Variants in BCL6 observed in about 807,000 individuals in gnomAD.
BCL6 encodes the protein BCL6 transcription repressor.
BCL6 carries 7 observed loss-of-function variants against 59.5 expected under a neutral mutation model. That is an observed-to-expected ratio of 0.12 (90% CI 0.07 to 0.22). The LOEUF is 0.22. Ranked by LOEUF, BCL6 falls within the 10% of genes least tolerant of loss-of-function variation. The pLI is 1.00. For synonymous variants in BCL6, 339 were observed against 349.7 expected (o/e 0.97, Z 0.34); for missense variants, 685 against 939.4 (o/e 0.73, Z 3.54).
intron 1 of BCL6, among the ~76,000 whole-genome samples, chr3:187,738,929 T>C (rs1441249292): frequency 6.6e-6 from 1 of 152,186 alleles, no homozygotes; most frequent in Non-Finnish European, 1.5e-5. Flanking sequence ...AGTGCATTTA[T>C]TGGAAATTAG....
chr3:187,725,094 G>C lies in BCL6; in HGVS notation c.1840-16C>G, dbSNP rs1241709963. ...GGTGGGCCACCTGAACGAAGAAGAA[G>C]GCATGAGAGGTCTTCTGGGGTGGGC... is the stretch of plus-strand genomic sequence containing the variant. On this transcript the variant is annotated splice_polypyrimidine_tract_variant and intron_variant, in intron 8 of 9. Coordinates refer to ENST00000406870, the MANE Select transcript of BCL6 (RefSeq NM_001706.5). The surrounding 1 kb of genome is among the most constrained non-coding windows in gnomAD (Gnocchi z 4.7). The C allele has an allele frequency of 1.2e-6, 2 of 1,613,496 alleles. No individual in the cohort carries two copies. Among genetic ancestry groups the C allele is most frequent in the South Asian group, 2.2e-5 (2 of 91,052 alleles).
intron 6 of BCL6, 56 bp from the exon 7 acceptor site, chr3:187,726,954 T>C: frequency 6.3e-7 from 1 of 1,583,954 alleles, no homozygotes; most frequent in Non-Finnish European, 8.6e-7. Flanking sequence ...GAGGTAGGGC[T>C]CTAAGGCCGC....
At chr3:187,730,099 A>G (rs1718967319) in intron 4 of BCL6, 78 bp from the exon 5 acceptor site, 2 of 1,494,178 alleles carry the variant, frequency 1.3e-6, no homozygotes, top group South Asian at 2.8e-5. Flanking sequence ...TGACACTTAT[A>G]TAACCACATC....
At chr3:187,744,025 C>A (rs1311238841) in intron 1 of BCL6, among the ~76,000 whole-genome samples, 3 of 152,138 alleles carry the variant, frequency 2.0e-5, no homozygotes, top group Non-Finnish European at 4.4e-5. Context: ...GGGCTCTGTT[C>A]GTCTTTCTCC....
At chr3:187,739,604 G>C in intron 1 of BCL6, among the ~76,000 whole-genome samples, 1 of 152,194 alleles carries the variant, frequency 6.6e-6, no homozygotes, top group East Asian at 1.9e-4. Context: ...CAAGCTTCTA[G>C]GAAATGCAAT....
intron 2 of BCL6, among the ~76,000 whole-genome samples, chr3:187,734,016 C>T (rs1044306822): frequency 6.6e-6 from 1 of 152,140 alleles, no homozygotes; most frequent in Admixed American, 6.5e-5. Context: ...GAGTATGTTG[C>T]AATGGAGAGA....
chr3:187,722,331 C>CCCCCAA lies in BCL6; in HGVS notation c.*126_*127insTTGGGG. 1.2e-6 allele frequency: 1 copy of CCCCCAA among 864,900 alleles called. No homozygotes were observed. Among genetic ancestry groups the CCCCCAA allele is most frequent in the Non-Finnish European group, 1.5e-6 (1 of 658,090 alleles). The allele number at this position is 864,900 out of a possible 1,614,324, so 53.6% of individuals were successfully genotyped here. A position where few individuals can be genotyped will look rare whatever the true frequency, so the allele number is the denominator to read the frequency against. On this transcript the variant is annotated 3_prime_UTR_variant, in exon 10 of 10. Coordinates refer to ENST00000406870, the MANE Select transcript of BCL6 (RefSeq NM_001706.5). ...CCCGACCCCCACCACCCCCAACCCCCAGCTATGATTTGCACTAGTGGATGA... is the reference window on the plus strand; with the variant it reads ...CCCGACCCCCACCACCCCCAACCCCCCCCCAAAGCTATGATTTGCACTAGTGGATGA...
At chr3:187,740,343 A>G (rs2108478857) in intron 1 of BCL6, among the ~76,000 whole-genome samples, 1 of 151,160 alleles carries the variant, frequency 6.6e-6, no homozygotes. Context: ...CCAGGCCTTA[A>G]CCCCCCTCTT....
rs1718412468 is a variant in BCL6 at position 187,721,529 on chromosome 3, GT to G, written c.*928del. 2.1e-5 allele frequency: 5 copies of G among 233,356 alleles called. No homozygotes were observed. The highest frequency in any genetic ancestry group is 4.2e-5 in the Non-Finnish European group (5 of 117,806). 14.5% of individuals were successfully genotyped at this position (233,356 alleles called of 1,614,324 possible). On this transcript the variant is annotated 3_prime_UTR_variant, in exon 10 of 10. Coordinates refer to ENST00000406870, the MANE Select transcript of BCL6 (RefSeq NM_001706.5). The surrounding 1 kb of genome is among the most constrained non-coding windows in gnomAD (Gnocchi z 4.2). ...GATGAGACAAACATTCCCAAAGAGA[GT>G]TTAGTTAGTAACAACTTCAAGTCCC... is the stretch of plus-strand genomic sequence containing the variant.
chr3:187,728,314 G>T, intron 6 of BCL6, 46 bp downstream of exon 6: 1 of 1,504,108 alleles, frequency 6.6e-7, no homozygotes, highest in East Asian at 2.5e-5. Flanking sequence ...TGGAGCAGAG[G>T]GGCCTTCCTT....
chr3:187,737,147 C>T (rs1318828414), intron 1 of BCL6: 3 of 152,230 alleles, frequency 2.0e-5, no homozygotes, highest in Admixed American at 6.5e-5. Context: ...TCCCCGCACC[C>T]ACGCTGGGTC....
intron 4 of BCL6, among the ~76,000 whole-genome samples, chr3:187,730,743 C>T (rs776188729): frequency 6.6e-6 from 1 of 152,198 alleles, no homozygotes; most frequent in Non-Finnish European, 1.5e-5. Flanking sequence ...CCACCGTCAT[C>T]ACTCACAGGA....
At chr3:187,726,670 C>A in intron 7 of BCL6, 61 bp downstream of exon 7, 1 of 1,579,788 alleles carries the variant, frequency 6.3e-7, no homozygotes. Flanking sequence ...TCTCTAGGAT[C>A]CTCTCCCTGT....
At chr3:187,736,755 C>G (rs187323948) in intron 1 of BCL6, 1 of 151,626 alleles carries the variant, frequency 6.6e-6, no homozygotes, top group East Asian at 1.9e-4. Context: ...CAGCCCCCCC[C>G]AACTCCTGAG....
chr3:187,744,966 C>A (rs1158137869), intron 1 of BCL6, among the ~76,000 whole-genome samples: 2 of 152,160 alleles, frequency 1.3e-5, no homozygotes, highest in East Asian at 1.9e-4. Flanking sequence ...CCCAGACTAG[C>A]CCGAATCACC....
chr3:187,740,579 C>A lies in BCL6; in HGVS notation c.-50+4831G>T, dbSNP rs372258541. On this transcript the variant is annotated intron_variant, in intron 1 of 9. Coordinates refer to ENST00000406870, the MANE Select transcript of BCL6 (RefSeq NM_001706.5). ...AATACTTCTAAGGAGCTGAGATAAA[C>A]CCGCCTTTGGCTTTCAGTCACTGAC... 2.6e-5 allele frequency among the ~76,000 whole-genome samples: 4 copies of A among 152,284 alleles called. No individual in the cohort carries two copies. In the East Asian group the frequency reaches 5.8e-4, roughly 22 times the overall value.
At chr3:187,722,625 TG>T (rs1288308589) in intron 9 of BCL6, 24 bp from the exon 10 acceptor site, 1 of 1,607,004 alleles carries the variant, frequency 6.2e-7, no homozygotes, top group Admixed American at 1.7e-5. Context: ...AGAGGCAAAC[TG>T]TTAGCTGTCA....
chr3:187,742,890 G>C (rs534309809), intron 1 of BCL6, among the ~76,000 whole-genome samples: 20 of 152,248 alleles, frequency 1.3e-4, no homozygotes, highest in East Asian at 5.8e-4. Context: ...CAGGAATAGC[G>C]TGTGGACTAG....
chr3:187,723,106 C>T (rs915301962), intron 9 of BCL6, among the ~76,000 whole-genome samples: 2 of 152,120 alleles, frequency 1.3e-5, no homozygotes, highest in African/African-American at 2.4e-5. Context: ...ACCTCTTATT[C>T]AAATTATGCA....
Sources: allele counts gnomAD v4.1 joint callset (sites outside exome capture counted in the v4.1 genomes callset), GRCh38; gene constraint gnomAD v4.1.1; non-coding constraint Gnocchi (gnomAD v3.1); transcripts MANE v1.5; gene names NCBI Gene and HGNC (gene_info 2026-07-23, HGNC 2026-07-21).